Variants in MAP3K2 observed in about 807,000 individuals in gnomAD.
MAP3K2 encodes mitogen-activated protein kinase kinase kinase 2.
Under a neutral mutation model 80.3 loss-of-function variants are expected in MAP3K2, and 24 were observed. That is an observed-to-expected ratio of 0.30 (90% confidence interval 0.22 to 0.42). MAP3K2 has a LOEUF of 0.42. Among genes scored for constraint, MAP3K2 ranks in the 10% least tolerant of loss-of-function variants. The pLI, the probability that MAP3K2 is intolerant of heterozygous loss-of-function variation, is 1.00. For missense variants in MAP3K2, 608 were observed against 750.1 expected, an observed-to-expected ratio of 0.81 and a Z score of 2.21; for synonymous variants, 244 against 253.7, an observed-to-expected ratio of 0.96 and a Z score of 0.36.
In MAP3K2 at chr2:127,339,797, A is replaced by G. The variant is rs1686442234; in HGVS notation, c.5-747T>C. 6.6e-6 allele frequency among the ~76,000 whole-genome samples: 1 copy of G among 152,234 alleles called. No individual in the cohort carries two copies. Among genetic ancestry groups the G allele is most frequent in the Non-Finnish European group, 1.5e-5 (1 of 68,042 alleles). ...GTAATGCCAATTATAAGCTCTCCAG[A>G]AGACATCAGGGACAACTTAATTTAT... is the stretch of plus-strand genomic sequence containing the variant. On this transcript the variant is annotated intron_variant, in intron 2 of 16. Coordinates refer to ENST00000682094, the MANE Select transcript of MAP3K2 (RefSeq NM_001371910.2). The surrounding 1 kb of genome is among the most constrained non-coding windows in gnomAD (Gnocchi z 4.2).
At chr2:127,362,767 G>A (rs887622561) in intron 1 of MAP3K2, among the ~76,000 whole-genome samples, 3 of 152,194 alleles carry the variant, frequency 2.0e-5, no homozygotes, top group Non-Finnish European at 2.9e-5. Flanking sequence ...TACTTTATAT[G>A]ATTGTTACAA....
At chr2:127,366,154 T>C (rs1285553488) in intron 1 of MAP3K2, among the ~76,000 whole-genome samples, 2 of 152,086 alleles carry the variant, frequency 1.3e-5, no homozygotes, top group African/African-American at 2.4e-5. Flanking sequence ...GATCCTCCCA[T>C]TTGCAAAAAG....
intron 1 of MAP3K2, among the ~76,000 whole-genome samples, chr2:127,347,924 T>C (rs1471584076): frequency 6.6e-6 from 1 of 152,088 alleles, no homozygotes; most frequent in Admixed American, 6.5e-5. Flanking sequence ...GTAATGAAGA[T>C]GTGAAGAAAT....
chr2:127,300,110 G>T lies in MAP3K2; in HGVS notation c.*7469C>A, dbSNP rs1244863330. 1 of 152,052 alleles carries T rather than the reference G, an allele frequency of 6.6e-6. No individual in the cohort carries two copies. Among genetic ancestry groups the T allele is most frequent in the Non-Finnish European group, 1.5e-5 (1 of 67,962 alleles). 9.4% of individuals were successfully genotyped at this position (152,052 alleles called of 1,614,324 possible). On this transcript the variant is annotated 3_prime_UTR_variant, in exon 17 of 17. Coordinates refer to ENST00000682094, the MANE Select transcript of MAP3K2 (RefSeq NM_001371910.2). ...CCATAGATAAGTATAGTTTGTAAAA[G>T]CAAAAAGGTCCATTTAAGTCAGTAA...
At position 127,323,948 on chromosome 2, in the gene MAP3K2, A is replaced by G; in HGVS notation, c.792T>C (p.Tyr264=). 6.4e-7 allele frequency: 1 copy of G among 1,570,378 alleles called. No homozygotes were observed. The highest frequency in any genetic ancestry group is 8.7e-7 in the Non-Finnish European group (1 of 1,150,874). ...IFEKFGKGGT[Y]PRRYHVSYHH... is the part of the protein sequence containing the mutation. ...GATATGAAACATGATACCTTCTTGG[A>G]TATGTTCCTCCTTTTCCAAATTTCT... Residue 264 remains tyrosine (Y), a synonymous_variant, in exon 11 of 17, where the codon TAT becomes TAC. Coordinates refer to ENST00000682094, the MANE Select transcript of MAP3K2 (RefSeq NM_001371910.2).
chr2:127,375,601 G>C (rs1476367877), intron 1 of MAP3K2, among the ~76,000 whole-genome samples: 1 of 151,800 alleles, frequency 6.6e-6, no homozygotes, highest in Non-Finnish European at 1.5e-5. Flanking sequence ...GTAGAGATGG[G>C]GTTTCACCAT....
At position 127,387,810 on chromosome 2, in the gene MAP3K2, G is replaced by A; in HGVS notation, c.-424C>T. The A allele has an allele frequency of 1.0e-6, 1 of 985,228 alleles. No individual in the cohort carries two copies. 61.0% of individuals were successfully genotyped at this position (985,228 alleles called of 1,614,324 possible). On this transcript the variant is annotated 5_prime_UTR_variant, in exon 1 of 17. Coordinates refer to ENST00000682094, the MANE Select transcript of MAP3K2 (RefSeq NM_001371910.2). ...TCGCTAGAGACCGGAGAAGAGGCGG[G>A]AGTGGCGACTCTGCGGACAGGGGCG...
In MAP3K2 at chr2:127,308,749, C is replaced by G. The variant is rs1235086302; in HGVS notation, c.1470G>C (p.Leu490=). 6.2e-7 allele frequency: 1 copy of G among 1,613,422 alleles called. No individual in the cohort carries two copies. The highest frequency in any genetic ancestry group is 1.1e-5 in the South Asian group (1 of 91,024). Residue 490 remains leucine (L), a synonymous_variant, in exon 16 of 17, where the codon CTG becomes CTC. Transcript: ENST00000682094. ...GTTTGACGTTGCCTGTTGAATCTCG[C>G]AGGATATTTGCGCCTAAAAATAAGA... ...VHRDIKGANI[L]RDSTGNVKLG...
At chr2:127,369,979 G>T (rs1687034388) in intron 1 of MAP3K2, among the ~76,000 whole-genome samples, 1 of 152,186 alleles carries the variant, frequency 6.6e-6, no homozygotes, top group Non-Finnish European at 1.5e-5. Flanking sequence ...TTGGCTGAAG[G>T]CAGCCAGATT....
intron 8 of MAP3K2, 97 bp from the exon 9 acceptor site, chr2:127,325,904 T>C (rs1271635166): frequency 7.7e-6 from 6 of 774,634 alleles, no homozygotes; most frequent in Non-Finnish European, 1.3e-5. Context: ...TCATGTAACA[T>C]AAAATTCACC....
chr2:127,368,824 T>G (rs1687015230), intron 1 of MAP3K2, among the ~76,000 whole-genome samples: 1 of 152,094 alleles, frequency 6.6e-6, no homozygotes, highest in Admixed American at 6.6e-5. Context: ...TTGCCCAGGT[T>G]GGCCTCGACC....
In MAP3K2 at chr2:127,321,514, C is replaced by T. The variant is rs960312729; in HGVS notation, c.1045+532G>A. ...TGAATCTTTGTATGCACTGCTTACA[C>T]AGTAAGGTCTGAATGCTTTGCAATC... On this transcript the variant is annotated intron_variant, in intron 12 of 16. Coordinates refer to ENST00000682094, the MANE Select transcript of MAP3K2 (RefSeq NM_001371910.2). This position sits in a 1 kb window ranked among gnomAD's most constrained non-coding sequence, Gnocchi z 4.4. 1.3e-5 allele frequency among the ~76,000 whole-genome samples: 2 copies of T among 152,334 alleles called. No homozygotes were observed. The highest frequency in any genetic ancestry group is 4.1e-4 in the South Asian group (2 of 4,832).
chr2:127,303,920 T>C lies in MAP3K2; in HGVS notation c.*3659A>G, dbSNP rs998704086. Reference sequence around the variant, plus strand: ...TTTCTAAGTGATTTCACATATCTTATAACAACTCCATGTCAGAAATACTAC... The same window carrying C: ...TTTCTAAGTGATTTCACATATCTTACAACAACTCCATGTCAGAAATACTAC... On this transcript the variant is annotated 3_prime_UTR_variant, in exon 17 of 17. Coordinates refer to ENST00000682094, the MANE Select transcript of MAP3K2 (RefSeq NM_001371910.2). The C allele has an allele frequency of 2.0e-5, 3 of 152,186 alleles. No homozygotes were observed. Among genetic ancestry groups the C allele is most frequent in the Non-Finnish European group, 4.4e-5 (3 of 68,018 alleles). 9.4% of individuals were successfully genotyped at this position (152,186 alleles called of 1,614,324 possible). A position where few individuals can be genotyped will look rare whatever the true frequency, so the allele number is the denominator to read the frequency against.
intron 4 of MAP3K2, among the ~76,000 whole-genome samples, chr2:127,337,526 A>G (rs926480172): frequency 1.3e-5 from 2 of 152,252 alleles, no homozygotes; most frequent in African/African-American, 4.8e-5. Context: ...TGAAAATTGC[A>G]AAGACATTAA....
In MAP3K2 at chr2:127,314,899, A is replaced by G; in HGVS notation, c.1327-16T>C. 1 of 1,574,642 alleles carries G rather than the reference A, an allele frequency of 6.4e-7. No individual in the cohort carries two copies. The highest frequency in any genetic ancestry group is 1.4e-5 in the African/African-American group (1 of 73,594). On this transcript the variant is annotated splice_polypyrimidine_tract_variant and intron_variant, in intron 14 of 16. Transcript: ENST00000682094. ...TAATTGAACCCTAGGAGAAAAGAAA[A>G]CAAAAATAAAAACTACTGTATATGG... is the stretch of plus-strand genomic sequence containing the variant.
chr2:127,381,626 GA>G lies in MAP3K2; in HGVS notation c.-66+5825del, dbSNP rs1687247026. Reference sequence around the variant, plus strand: ...AACTATTAGGTAAAAGATCACTGGAGAACAGGCTAGCATTACAGTGCTAATT... The same window carrying G: ...AACTATTAGGTAAAAGATCACTGGAGACAGGCTAGCATTACAGTGCTAATT... On this transcript the variant is annotated intron_variant, in intron 1 of 16. Transcript: ENST00000682094. 1.3e-5 allele frequency among the ~76,000 whole-genome samples: 2 copies of G among 152,186 alleles called. 1 individual carries two copies. The highest frequency in any genetic ancestry group is 4.1e-4 in the South Asian group (2 of 4,830).
At chr2:127,385,387 A>C (rs1340245821) in intron 1 of MAP3K2, among the ~76,000 whole-genome samples, 1 of 152,212 alleles carries the variant, frequency 6.6e-6, no homozygotes, top group African/African-American at 2.4e-5. Flanking sequence ...AGCAATAAAT[A>C]ATTTTTTAAT....
rs977660745 is a variant in MAP3K2 at position 127,302,456 on chromosome 2, C to G, written c.*5123G>C. 2.0e-5 allele frequency: 3 copies of G among 150,810 alleles called. No individual in the cohort carries two copies. Among genetic ancestry groups the G allele is most frequent in the Non-Finnish European group, 3.0e-5 (2 of 67,778 alleles). The allele number at this position is 150,810 out of a possible 1,614,324, so 9.3% of individuals were successfully genotyped here. A position where few individuals can be genotyped will look rare whatever the true frequency, so the allele number is the denominator to read the frequency against. On this transcript the variant is annotated 3_prime_UTR_variant, in exon 17 of 17. Transcript: ENST00000682094. The stretch of plus-strand genomic sequence containing the variant: ...CCAACTCTAACCACACACACACACA[C>G]ACACACATGCATGCAAACGCACACA...
At chr2:127,376,711 C>T (rs1687158856) in intron 1 of MAP3K2, among the ~76,000 whole-genome samples, 1 of 152,062 alleles carries the variant, frequency 6.6e-6, no homozygotes. Flanking sequence ...TGTTTTAAGC[C>T]ACTGAGATAT....
Sources: allele counts gnomAD v4.1 joint callset (sites outside exome capture counted in the v4.1 genomes callset), GRCh38; gene constraint gnomAD v4.1.1; non-coding constraint Gnocchi (gnomAD v3.1); transcripts MANE v1.5; gene names NCBI Gene and HGNC (gene_info 2026-07-23, HGNC 2026-07-21).